SH3RF1: variants seen among roughly 807,000 people sequenced by gnomAD.
The protein encoded by SH3RF1 is E3 ubiquitin-protein ligase SH3RF1.
SH3RF1 carries 32 observed loss-of-function variants against 74.0 expected under a neutral mutation model. The observed-to-expected ratio is 0.43, with a 90% confidence interval of 0.33 to 0.58. The LOEUF is 0.58. Among genes scored for constraint, SH3RF1 ranks in the 20% least tolerant of loss-of-function variants. The pLI, the probability that SH3RF1 is intolerant of heterozygous loss-of-function variation, is 0.05. For synonymous variants in SH3RF1, 396 were observed against 439.6 expected (o/e 0.90, Z 1.24); for missense variants, 954 against 1,130.9 (o/e 0.84, Z 2.24).
At chr4:169,113,117 T>A (rs544720440) in intron 10 of SH3RF1, among the ~76,000 whole-genome samples, 1 of 151,584 alleles carries the variant, frequency 6.6e-6, no homozygotes, top group South Asian at 2.1e-4. Flanking sequence ...TTTTCTTTTT[T>A]TTTTCCCCCC....
intron 2 of SH3RF1, among the ~76,000 whole-genome samples, chr4:169,190,576 T>C (rs1734685114): frequency 6.6e-6 from 1 of 151,838 alleles, no homozygotes; most frequent in Non-Finnish European, 1.5e-5. Context: ...GAAATGGTCA[T>C]TTTAAAATTA....
chr4:169,137,607 T>C (rs914085288), intron 4 of SH3RF1, among the ~76,000 whole-genome samples: 4 of 152,210 alleles, frequency 2.6e-5, no homozygotes, highest in African/African-American at 4.8e-5. Flanking sequence ...GCATTACACA[T>C]TGGGCACTTC....
intron 10 of SH3RF1, among the ~76,000 whole-genome samples, chr4:169,107,522 C>G (rs1176590432): frequency 6.6e-6 from 1 of 151,878 alleles, no homozygotes; most frequent in Non-Finnish European, 1.5e-5. Context: ...TAGGATAAAC[C>G]GATAAAAAAG....
At chr4:169,258,444 T>C (rs538869813) in intron 2 of SH3RF1, among the ~76,000 whole-genome samples, 26 of 152,304 alleles carry the variant, frequency 1.7e-4, no homozygotes, top group African/African-American at 6.3e-4. Flanking sequence ...TATTTCAGAC[T>C]TGTTTTACAA....
intron 10 of SH3RF1, among the ~76,000 whole-genome samples, chr4:169,111,875 A>G (rs966302062): frequency 1.3e-5 from 2 of 152,260 alleles, no homozygotes; most frequent in African/African-American, 4.8e-5. Flanking sequence ...CACCAAAGTT[A>G]GCTAGAGATT....
At chr4:169,212,215 C>A (rs2660417) in intron 2 of SH3RF1, among the ~76,000 whole-genome samples, 71,700 of 151,346 alleles carry the variant, frequency 0.47, 18,158 homozygotes, top group East Asian at 0.78. Flanking sequence ...CAAGCATGTG[C>A]CACCATGCCC....
intron 1 of SH3RF1, among the ~76,000 whole-genome samples, chr4:169,269,512 C>A (rs1471263227): frequency 6.6e-6 from 1 of 152,128 alleles, no homozygotes; most frequent in Non-Finnish European, 1.5e-5. Context: ...CAAAATTAAC[C>A]CCTAAAGATA....
chr4:169,184,509 A>C (rs1734572166), intron 2 of SH3RF1, among the ~76,000 whole-genome samples: 1 of 152,186 alleles, frequency 6.6e-6, no homozygotes, highest in Non-Finnish European at 1.5e-5. Flanking sequence ...ACAGGAGGAT[A>C]GCTATTCCTT....
At chr4:169,196,469 C>T (rs1332820770) in intron 2 of SH3RF1, among the ~76,000 whole-genome samples, 1 of 152,162 alleles carries the variant, frequency 6.6e-6, no homozygotes, top group African/African-American at 2.4e-5. Context: ...TGTGCTACTG[C>T]TTTTGCAAAA....
intron 5 of SH3RF1, among the ~76,000 whole-genome samples, chr4:169,132,868 T>TACAGACACTCATGTCACAGTC (rs1318013702): frequency 2.6e-5 from 4 of 152,220 alleles, no homozygotes; most frequent in African/African-American, 9.6e-5. Context: ...CATGTGCTTT[T>TACAGACACTCATGTCACAGTC]ACAGACACTC....
chr4:169,138,644 A>G (rs1015932077), intron 4 of SH3RF1, among the ~76,000 whole-genome samples: 12 of 152,206 alleles, frequency 7.9e-5, no homozygotes, highest in Admixed American at 7.9e-4. Flanking sequence ...AATCTAGTTG[A>G]TATCATGTTT....
intron 2 of SH3RF1, among the ~76,000 whole-genome samples, chr4:169,165,247 G>A (rs1041873247): frequency 6.6e-6 from 1 of 152,190 alleles, no homozygotes; most frequent in African/African-American, 2.4e-5. Context: ...ACCCTGGGGT[G>A]TAGAGCTAAA....
At chr4:169,194,069 A>G (rs1302357292) in intron 2 of SH3RF1, among the ~76,000 whole-genome samples, 1 of 152,190 alleles carries the variant, frequency 6.6e-6, no homozygotes, top group Non-Finnish European at 1.5e-5. Flanking sequence ...GAAAACTACC[A>G]AGAGAACATC....
At chr4:169,121,012 A>T (rs201073877) in intron 7 of SH3RF1, 23 bp from the exon 8 acceptor site, 2 of 1,598,234 alleles carry the variant, frequency 1.3e-6, no homozygotes, top group African/African-American at 2.7e-5. Context: ...ATAATATTTG[A>T]TTTCAGGTTG....
chr4:169,191,559 G>A (rs1734710549), intron 2 of SH3RF1, among the ~76,000 whole-genome samples: 1 of 152,010 alleles, frequency 6.6e-6, no homozygotes, highest in Non-Finnish European at 1.5e-5. Flanking sequence ...TAATTCATGT[G>A]GAACCAAAAA....
chr4:169,200,512 T>C (rs1463816266), intron 2 of SH3RF1, among the ~76,000 whole-genome samples: 1 of 152,068 alleles, frequency 6.6e-6, no homozygotes, highest in African/African-American at 2.4e-5. Context: ...AAAAAAGAAG[T>C]ATTTACTTCA....
chr4:169,213,056 G>A (rs555580992), intron 2 of SH3RF1, among the ~76,000 whole-genome samples: 2 of 152,298 alleles, frequency 1.3e-5, no homozygotes, highest in African/African-American at 4.8e-5. Flanking sequence ...CAAACACCAA[G>A]CAATGCACTA....
intron 5 of SH3RF1, among the ~76,000 whole-genome samples, chr4:169,133,252 T>G (rs140146369): frequency 1.3e-5 from 2 of 152,292 alleles, no homozygotes; most frequent in Non-Finnish European, 2.9e-5. Context: ...ACTAACATTT[T>G]TAAGCCCCTT....
chr4:169,106,293 G>A (rs1470074100), intron 11 of SH3RF1, among the ~76,000 whole-genome samples: 1 of 151,696 alleles, frequency 6.6e-6, no homozygotes, highest in Admixed American at 6.6e-5. Flanking sequence ...TATTTTAGTA[G>A]AGACAGGGTT....
Sources: allele counts gnomAD v4.1 joint callset (sites outside exome capture counted in the v4.1 genomes callset), GRCh38; gene constraint gnomAD v4.1.1; transcripts MANE v1.5; gene names NCBI Gene and HGNC (gene_info 2026-07-23, HGNC 2026-07-21).